Variants in HSPA9 observed in about 807,000 individuals in gnomAD.
The protein encoded by HSPA9 is stress-70 protein, mitochondrial.
In HSPA9, 28 loss-of-function variants were observed where a neutral mutation model predicts 81.5. The observed-to-expected ratio is 0.34, with a 90% CI of 0.25 to 0.47. HSPA9 has a LOEUF of 0.47. Ranked by LOEUF, HSPA9 falls within the 20% of genes least tolerant of loss-of-function variation. The probability of loss-of-function intolerance (pLI) is 1.00; values close to 1 mark genes in which losing one functional copy is unlikely to be tolerated. For synonymous variants in HSPA9, 293 were observed against 290.4 expected (o/e 1.01, Z -0.09); for missense variants, 678 against 838.0 (o/e 0.81, Z 2.36).
Position 138,559,981 on chromosome 5 carries a change from A to T in HSPA9, c.1293T>A (p.Asp431Glu). The change falls in exon 11 of 17, where the codon GAT becomes GAA. Residue 431 changes from aspartate (D) to glutamate (E), a missense_variant. Asp to Glu is a conservative substitution (Grantham distance 45). This residue lies in a region of HSPA9 where 484 missense variants were observed against 647.5 expected (regional missense o/e 0.75). Transcript: ENST00000297185. ...AAIQGGVLAG[D>E]VTDVLLLDVT... Reference sequence around the variant, plus strand: ...CATCAAGGAGCAGCACATCCGTGACATCGCCGGCCAACACACCTCCCTGAA... The same window carrying T: ...CATCAAGGAGCAGCACATCCGTGACTTCGCCGGCCAACACACCTCCCTGAA... 1 of 1,614,138 alleles carries T rather than the reference A, an allele frequency of 6.2e-7. No homozygotes were observed. The highest frequency in any genetic ancestry group is 8.5e-7 in the Non-Finnish European group (1 of 1,180,006).
At position 138,575,260 on chromosome 5, in the gene HSPA9, C is replaced by A. The variant is rs1751065877; in HGVS notation, c.59G>T (p.Gly20Val). The A allele has an allele frequency of 6.2e-7, 1 of 1,609,330 alleles. No homozygotes were observed. Among genetic ancestry groups the A allele is most frequent in the East Asian group, 2.2e-5 (1 of 44,702 alleles). Residue 20 changes from glycine to valine, a missense_variant, in exon 1 of 17, where the codon GGC becomes GTC. Around this residue, in one of 4 missense-constraint regions of HSPA9, gnomAD observed 89 missense variants for 70.4 expected, o/e 1.27. Transcript: ENST00000297185. ...ARLVGAAASR[G>V]PTAARHQDSW... is the part of the protein sequence containing the mutation. ...CACCTGGTGGCGGGCGGCCGTAGGG[C>A]CCCGGGAGGCTGCGGCGCCCACGAG...
At chr5:138,573,905 C>A in intron 2 of HSPA9, 55 bp from the exon 3 acceptor site, 1 of 1,397,488 alleles carries the variant, frequency 7.2e-7, no homozygotes, top group South Asian at 1.2e-5. Context: ...AGACCAAAGT[C>A]ACTGGAAGAT....
rs1561856552 is a variant in HSPA9, at chr5:138,557,410, G to A, written c.1720C>T (p.Arg574Ter). 1.9e-6 allele frequency: 3 copies of A among 1,601,198 alleles called. No homozygotes were observed. Among genetic ancestry groups the A allele is most frequent in the Non-Finnish European group, 2.6e-6 (3 of 1,169,056 alleles). The change falls in exon 14 of 17, where the codon CGA becomes TGA. Residue 574 changes from arginine (R) to a stop codon, truncating the protein, a stop_gained. Transcript: ENST00000297185. LOFTEE classifies it high-confidence loss of function. Reference protein sequence around the residue: ...NAEKYAEEDRRKKERVEAVNM... With the variant: ...NAEKYAEEDR Reference sequence around the variant, plus strand: ...AGACAAGAAGTAATCACCTTCTTTCGCCGGTCTTCTTCAGCATATTTCTCT... The same window carrying A: ...AGACAAGAAGTAATCACCTTCTTTCACCGGTCTTCTTCAGCATATTTCTCT...
chr5:138,571,959 G>GTTTTTTT (rs1561862016), intron 3 of HSPA9, among the ~76,000 whole-genome samples: 3 of 10,636 alleles, frequency 2.8e-4, no homozygotes, highest in Non-Finnish European at 4.4e-4. Context: ...ACTGCGCCTG[G>GTTTTTTT]CTTTTTTTTT....
Position 138,557,940 on chromosome 5 carries a change from G to GT in HSPA9, c.1561dup (p.Thr521AsnfsTer3). The stretch of plus-strand genomic sequence containing the variant: ...TATCCCATTGGCATCAATGTCAAAT[G>GT]TAACTTCAATCTGAGGAACTCCACG... On this transcript the variant is annotated frameshift_variant, in exon 13 of 17. Transcript: ENST00000297185. LOFTEE classifies it high-confidence loss of function. 3 of 1,611,968 alleles carry GT rather than the reference G, an allele frequency of 1.9e-6. No individual in the cohort carries two copies. Among genetic ancestry groups the GT allele is most frequent in the Non-Finnish European group, 2.5e-6 (3 of 1,179,564 alleles).
At chr5:138,567,360 A>G (rs1750788897) in intron 7 of HSPA9, 95 bp downstream of exon 7, 1 of 1,102,652 alleles carries the variant, frequency 9.1e-7, no homozygotes. Flanking sequence ...CAGACTTAAA[A>G]TCAGTAAAAG....
In HSPA9 at chr5:138,567,691, A is replaced by T. The variant is rs1750794911; in HGVS notation, c.567T>A (p.Ala189=). ...TGAAATAAGCTGGGACTGTGATCAC[A>T]GCATTTTTTGCTGTGTGCCCCAAGT... ...ENYLGHTAKN[A]VITVPAYFND... The change falls in exon 6 of 17, where the codon GCT becomes GCA. Residue 189 remains alanine (A), a synonymous_variant. Transcript: ENST00000297185. 6.2e-7 allele frequency: 1 copy of T among 1,613,960 alleles called. No homozygotes were observed. The highest frequency in any genetic ancestry group is 1.7e-5 in the Admixed American group (1 of 60,022).
intron 10 of HSPA9, 44 bp downstream of exon 10, chr5:138,561,536 G>T: frequency 6.6e-7 from 1 of 1,515,700 alleles, no homozygotes; most frequent in Non-Finnish European, 9.1e-7. Context: ...AATACACTAT[G>T]CGCCAGCCCT....
rs1316501255 is a variant in HSPA9 at position 138,562,753 on chromosome 5, C to G, written c.973-964G>C. ...CCTTCACCAAGTTTTAAAAATATCCCATGTAGGTGAAGAGAAATGTCAAAG... is the reference window on the plus strand; with the variant it reads ...CCTTCACCAAGTTTTAAAAATATCCGATGTAGGTGAAGAGAAATGTCAAAG... On this transcript the variant is annotated intron_variant, in intron 9 of 16. Transcript: ENST00000297185. Among the ~76,000 whole-genome samples, 3 of 152,142 alleles carry G rather than the reference C, an allele frequency of 2.0e-5. No individual in the cohort carries two copies. In the East Asian group the frequency reaches 5.8e-4, roughly 29 times the overall value.
chr5:138,574,734 C>CT (rs985925579), intron 1 of HSPA9: 25 of 164,796 alleles, frequency 1.5e-4, no homozygotes, highest in Non-Finnish European at 2.9e-4. Flanking sequence ...CCACGATCTG[C>CT]TTTTTTTTCT....
chr5:138,557,626 C>G lies in HSPA9; in HGVS notation c.1634-130G>C, dbSNP rs1750556551. 1.7e-5 allele frequency: 13 copies of G among 753,530 alleles called. No homozygotes were observed. The East Asian group carries it at 2.9e-4, about 17-fold the overall frequency. 46.7% of individuals were successfully genotyped at this position (753,530 alleles called of 1,614,324 possible). A position where few individuals can be genotyped will look rare whatever the true frequency, so the allele number is the denominator to read the frequency against. ...ACAAATTATGAAGAGGAGAAATACC[C>G]TATAGTCCTATAAAGCAAAATGAAA... On this transcript the variant is annotated intron_variant, in intron 13 of 16. Transcript: ENST00000297185.
At chr5:138,566,966 CCAA>C in intron 8 of HSPA9, 32 bp downstream of exon 8, 1 of 1,590,032 alleles carries the variant, frequency 6.3e-7, no homozygotes, top group Non-Finnish European at 8.6e-7. Context: ...TCTCAATATC[CCAA>C]CGTCTACATA....
intron 4 of HSPA9, among the ~76,000 whole-genome samples, chr5:138,570,597 C>G (rs182079198): frequency 6.6e-6 from 1 of 152,108 alleles, no homozygotes; most frequent in Non-Finnish European, 1.5e-5. Flanking sequence ...GTGATTCTCC[C>G]GTCTCAGCCT....
rs1411268703 is a variant in HSPA9 at position 138,570,999 on chromosome 5, A to C, written c.371T>G (p.Ile124Ser). ...TTCAGGATCATCATATCGCCGGCCA[A>C]TGAGACGCTTGGTAGCATAAAATGT... ...NNTFYATKRL[I>S]GRRYDDPEVQ... Residue 124 changes from isoleucine (I) to serine (S), a missense_variant, in exon 4 of 17, where the codon ATT becomes AGT. By Grantham distance (142) the Ile-to-Ser change is moderately radical. Transcript: ENST00000297185. The C allele has an allele frequency of 6.2e-7, 1 of 1,614,154 alleles. No homozygotes were observed. Among genetic ancestry groups the C allele is most frequent in the Non-Finnish European group, 8.5e-7 (1 of 1,180,040 alleles).
At chr5:138,575,159 G>T in intron 1 of HSPA9, 79 bp downstream of exon 1, 1 of 981,862 alleles carries the variant, frequency 1.0e-6, no homozygotes, top group Non-Finnish European at 1.6e-6. Context: ...ACCCTAAAGG[G>T]CGCGCGGCCT....
intron 8 of HSPA9, 68 bp from the exon 9 acceptor site, chr5:138,566,786 A>T: frequency 1.6e-6 from 2 of 1,280,018 alleles, no homozygotes; most frequent in East Asian, 4.6e-5. Context: ...TGCAGTAATA[A>T]GGTGGAACAA....
chr5:138,572,398 C>G (rs533605500), intron 3 of HSPA9, among the ~76,000 whole-genome samples: 36 of 152,290 alleles, frequency 2.4e-4, no homozygotes, highest in African/African-American at 8.2e-4. Context: ...ATGGCTTGCA[C>G]TGTTTGGTTA....
At chr5:138,558,682 G>A (rs1346488612) in intron 11 of HSPA9, 25 bp from the exon 12 acceptor site, 2 of 1,421,186 alleles carry the variant, frequency 1.4e-6, no homozygotes, top group East Asian at 2.3e-5. Context: ...ACCCTCCTGG[G>A]TTGTCAATGT....
rs1042665 is a variant in HSPA9 at position 138,566,650 on chromosome 5, T to C, written c.948A>G (p.Lys316=). ...CCTGCACAGATGAGGAGAGTTCACA[T>C]TTAGCCTTTTCAGCAGCTTCCCGTA... is the stretch of plus-strand genomic sequence containing the variant. ...QRVREAAEKA[K]CELSSSVQTD... is the part of the protein sequence containing the mutation. The change falls in exon 9 of 17, where the codon AAA becomes AAG. Residue 316 remains lysine (K), a synonymous_variant. Coordinates refer to ENST00000297185, the MANE Select transcript of HSPA9 (RefSeq NM_004134.7). The C allele has an allele frequency of 0.26, 413,671 of 1,611,580 alleles. 62,726 individuals are homozygous for C. The highest frequency in any genetic ancestry group is 0.79 in the East Asian group (35,214 of 44,850).
Sources: allele counts gnomAD v4.1 joint callset (sites outside exome capture counted in the v4.1 genomes callset), GRCh38; gene constraint gnomAD v4.1.1; regional missense constraint gnomAD v4.1.1; transcripts MANE v1.5; gene names NCBI Gene and HGNC (gene_info 2026-07-23, HGNC 2026-07-21).